The following FRMD4A variants were observed in gnomAD, a reference collection of about 807,000 sequenced individuals.
The protein encoded by FRMD4A is FERM domain containing 4A.
A neutral mutation model predicts 129.1 loss-of-function variants in FRMD4A; 29 were observed. The ratio of observed to expected loss-of-function variants is 0.22; its 90% CI spans 0.17 to 0.31. The LOEUF (loss-of-function observed/expected upper bound fraction) is 0.31. Ranked by LOEUF, FRMD4A falls within the 10% of genes least tolerant of loss-of-function variation. The pLI, the probability that FRMD4A is intolerant of heterozygous loss-of-function variation, is 1.00. For synonymous variants in FRMD4A, 634 were observed against 571.6 expected (o/e 1.11, Z -1.56); for missense variants, 1,272 against 1,375.8 (o/e 0.92, Z 1.19).
At chr10:13,934,868 A>G (rs1230782297) in intron 2 of FRMD4A, among the ~76,000 whole-genome samples, 1 of 152,126 alleles carries the variant, frequency 6.6e-6, no homozygotes, top group Admixed American at 6.6e-5. Context: ...AAACATTAGA[A>G]ATTTATTGCT....
chr10:13,873,834 C>T (rs1268907734), intron 2 of FRMD4A, among the ~76,000 whole-genome samples: 1 of 151,866 alleles, frequency 6.6e-6, no homozygotes, highest in East Asian at 1.9e-4. Context: ...GGCTGAGCCA[C>T]CGTACCTAGT....
At chr10:14,239,109 G>A (rs1257941051) in intron 2 of FRMD4A, among the ~76,000 whole-genome samples, 1 of 151,992 alleles carries the variant, frequency 6.6e-6, no homozygotes, top group Non-Finnish European at 1.5e-5. Flanking sequence ...TAATTATCTG[G>A]CACATTCATA....
intron 1 of FRMD4A, 104 bp downstream of exon 1, chr10:14,330,493 T>C: frequency 2.4e-6 from 1 of 412,014 alleles, no homozygotes; most frequent in Non-Finnish European, 4.3e-6. Flanking sequence ...ACAATTAAAA[T>C]AAAACATTCC....
intron 2 of FRMD4A, among the ~76,000 whole-genome samples, chr10:14,216,638 G>A (rs556290241): frequency 2.6e-5 from 4 of 152,184 alleles, no homozygotes; most frequent in South Asian, 2.1e-4. Flanking sequence ...CAGTCTTGTC[G>A]CAGCCACCCG....
chr10:13,657,012 G>A lies in FRMD4A; in HGVS notation c.2577C>T (p.Gly859=), dbSNP rs772144410. The change falls in exon 22 of 25, where the codon GGC becomes GGT. Residue 859 remains glycine, a synonymous_variant. Transcript: ENST00000357447. ...TGAACTGAGCCTTGACGCTGTAGTG[G>A]CCCTCCTGGTCGCTCTCCAGGCTGC... ...VVRSLESDQE[G]HYSVKAQFKT... 2 of 1,568,264 alleles carry A rather than the reference G, an allele frequency of 1.3e-6. No individual in the cohort carries two copies. Among genetic ancestry groups the A allele is most frequent in the Admixed American group, 1.8e-5 (1 of 57,136 alleles).
rs199595760 is a variant in FRMD4A at position 13,809,515 on chromosome 10, C to CT, written c.206+1298dup. Among the ~76,000 whole-genome samples, 365 of 105,226 alleles carry CT rather than the reference C, an allele frequency of 3.5e-3. 1 individual carries two copies. The highest frequency in any genetic ancestry group is 0.017 in the South Asian group (62 of 3,686). The allele number at this position is 105,226 out of a possible 152,430, so 69.0% of individuals were successfully genotyped here. A position where few individuals can be genotyped will look rare whatever the true frequency, so the allele number is the denominator to read the frequency against. On this transcript the variant is annotated intron_variant, in intron 4 of 24. Coordinates refer to ENST00000357447, the MANE Select transcript of FRMD4A (RefSeq NM_018027.5). The stretch of plus-strand genomic sequence containing the variant: ...TTCTACATGTGCATTTGTTTAAAAG[C>CT]TTTTAAAAAAATTGCAGTGCTGGGT...
At chr10:13,784,391 C>G (rs1489767520) in intron 5 of FRMD4A, among the ~76,000 whole-genome samples, 1 of 145,980 alleles carries the variant, frequency 6.9e-6, no homozygotes, top group Non-Finnish European at 1.5e-5. Context: ...ACAATGTAAA[C>G]AACAACAGCA....
chr10:14,111,654 A>C (rs1170779718), intron 2 of FRMD4A, among the ~76,000 whole-genome samples: 6 of 152,176 alleles, frequency 3.9e-5, no homozygotes, highest in Admixed American at 3.3e-4. Context: ...ATGTCTATGA[A>C]ACCTACCTAC....
intron 2 of FRMD4A, among the ~76,000 whole-genome samples, chr10:14,308,924 T>C (rs1004101393): frequency 2.0e-4 from 30 of 152,236 alleles, no homozygotes; most frequent in African/African-American, 7.2e-4. Context: ...GGAACGACTA[T>C]GAAAATTCAT....
intron 2 of FRMD4A, chr10:13,890,612 AACC>A: frequency 1.0e-6 from 1 of 985,400 alleles, no homozygotes; most frequent in Non-Finnish European, 1.2e-6. Flanking sequence ...TTTTCAGAGC[AACC>A]CCTTTCATCA....
intron 3 of FRMD4A, among the ~76,000 whole-genome samples, chr10:13,814,649 A>T (rs2093510137): frequency 6.6e-6 from 1 of 151,106 alleles, no homozygotes; most frequent in African/African-American, 2.4e-5. Context: ...GAAAGAAAGA[A>T]AGAGAGACAG....
At chr10:13,765,407 A>G (rs1338245779) in intron 6 of FRMD4A, among the ~76,000 whole-genome samples, 1 of 152,070 alleles carries the variant, frequency 6.6e-6, no homozygotes, top group African/African-American at 2.4e-5. Context: ...ATGAGCCACC[A>G]TGCCCGGCCG....
chr10:14,230,024 TTG>T (rs1407429396), intron 2 of FRMD4A, among the ~76,000 whole-genome samples: 1 of 152,194 alleles, frequency 6.6e-6, no homozygotes, highest in East Asian at 1.9e-4. Context: ...GCTGATCTAA[TTG>T]TGAGAGAGGT....
intron 2 of FRMD4A, among the ~76,000 whole-genome samples, chr10:13,933,695 T>C (rs1453795163): frequency 1.3e-5 from 2 of 152,114 alleles, no homozygotes; most frequent in African/African-American, 4.8e-5. Context: ...ACATAAGAAG[T>C]TTTGTTGTTT....
chr10:14,115,062 C>G (rs916768551), intron 2 of FRMD4A, among the ~76,000 whole-genome samples: 23 of 152,168 alleles, frequency 1.5e-4, no homozygotes, highest in Admixed American at 3.3e-4. Flanking sequence ...ACCAAGCAAG[C>G]CTCTTAGACC....
intron 2 of FRMD4A, among the ~76,000 whole-genome samples, chr10:14,255,398 A>T (rs1844573041): frequency 6.6e-6 from 1 of 152,184 alleles, no homozygotes; most frequent in Non-Finnish European, 1.5e-5. Flanking sequence ...TAGGATAGAA[A>T]CTGGTAACAG....
intron 2 of FRMD4A, among the ~76,000 whole-genome samples, chr10:14,041,546 G>A (rs115450762): frequency 7.2e-5 from 11 of 152,256 alleles, no homozygotes; most frequent in Admixed American, 6.5e-4. Context: ...TAAGTTCTGC[G>A]TCTAGGCGTA....
intron 2 of FRMD4A, among the ~76,000 whole-genome samples, chr10:13,874,997 T>C (rs980757266): frequency 6.6e-6 from 1 of 152,138 alleles, no homozygotes; most frequent in African/African-American, 2.4e-5. Flanking sequence ...GGGGACACCC[T>C]AACTCACACC....
At chr10:14,097,398 C>T (rs1411665696) in intron 2 of FRMD4A, among the ~76,000 whole-genome samples, 1 of 152,048 alleles carries the variant, frequency 6.6e-6, no homozygotes, top group East Asian at 1.9e-4. Flanking sequence ...TAAAGTAGCT[C>T]ATATTTCCTG....
Sources: allele counts gnomAD v4.1 joint callset (sites outside exome capture counted in the v4.1 genomes callset), GRCh38; gene constraint gnomAD v4.1.1; transcripts MANE v1.5; gene names NCBI Gene and HGNC (gene_info 2026-07-23, HGNC 2026-07-21).